The following ZC3H12B variants were observed in gnomAD, a reference collection of about 807,000 sequenced individuals.
ZC3H12B encodes the protein probable ribonuclease ZC3H12B.
In ZC3H12B, 7 loss-of-function variants were observed where a neutral mutation model predicts 43.9. That is an observed-to-expected ratio of 0.16 (90% CI 0.09 to 0.30). The LOEUF is 0.30. Among genes scored for constraint, ZC3H12B ranks in the 10% least tolerant of loss-of-function variants. The pLI is 1.00. For synonymous variants in ZC3H12B, 222 were observed against 241.7 expected, an observed-to-expected ratio of 0.92 and a Z score of 0.76; for missense variants, 475 against 670.2, an observed-to-expected ratio of 0.71 and a Z score of 3.22.
the ZC3H12B span, chrX:65,356,975 A>G: frequency 4.1e-6 from 2 of 483,027 alleles, no homozygotes; most frequent in Non-Finnish European, 7.7e-6. Flanking sequence ...TTGTGATCCA[A>G]CATATTCCTC....
At chrX:65,171,158 C>CTCA in the ZC3H12B span, among the ~76,000 whole-genome samples, 1 of 111,091 alleles carries the variant, frequency 9.0e-6, no homozygotes, top group South Asian at 3.8e-4. Context: ...TTGGTTTCTC[C>CTCA]TCATCTTTGT....
chrX:65,124,296 GACTT>G, the ZC3H12B span, among the ~76,000 whole-genome samples: 1 of 110,814 alleles, frequency 9.0e-6, no homozygotes, highest in African/African-American at 3.3e-5. Context: ...CACATTTATT[GACTT>G]ACATATGTTA....
At chrX:65,217,483 C>G in the ZC3H12B span, among the ~76,000 whole-genome samples, 4 of 111,843 alleles carry the variant, frequency 3.6e-5, no homozygotes, top group Non-Finnish European at 7.5e-5. Context: ...GTGACCAATC[C>G]TGTAGTTATG....
At chrX:65,143,130 A>C in the ZC3H12B span, among the ~76,000 whole-genome samples, 3 of 111,475 alleles carry the variant, frequency 2.7e-5, no homozygotes, top group East Asian at 8.5e-4. Flanking sequence ...CTACCTATCT[A>C]TGAGCATGGG....
chrX:65,375,399 G>T (rs1370399767), intron 2 of ZC3H12B, among the ~76,000 whole-genome samples: 2 of 112,111 alleles, frequency 1.8e-5, no homozygotes, highest in Non-Finnish European at 3.8e-5. Context: ...GAGTCCTAGT[G>T]CTATGCTAAG....
At chrX:65,037,009 A>T in the ZC3H12B span, among the ~76,000 whole-genome samples, 7 of 107,587 alleles carry the variant, frequency 6.5e-5, no homozygotes, top group Non-Finnish European at 5.8e-5. Flanking sequence ...TTTTAAAGTG[A>T]CTTTCAACAA....
the ZC3H12B span, among the ~76,000 whole-genome samples, chrX:65,050,894 T>C: frequency 9.0e-6 from 1 of 111,728 alleles, no homozygotes; most frequent in African/African-American, 3.2e-5. Flanking sequence ...CTTTTCTTCT[T>C]GTGTCTTTGT....
chrX:65,424,532 A>G (rs1378616110), intron 3 of ZC3H12B, among the ~76,000 whole-genome samples: 8 of 111,823 alleles, frequency 7.2e-5, no homozygotes, highest in Non-Finnish European at 1.3e-4. Flanking sequence ...TTGTCATGAA[A>G]TATTTTCCTG....
the ZC3H12B span, among the ~76,000 whole-genome samples, chrX:65,055,555 T>A: frequency 8.9e-6 from 1 of 111,773 alleles, no homozygotes; most frequent in Non-Finnish European, 1.9e-5. Flanking sequence ...CTCTTTGTTT[T>A]GTTTTGTCTC....
the ZC3H12B span, among the ~76,000 whole-genome samples, chrX:65,118,368 G>C: frequency 1.8e-5 from 2 of 111,536 alleles, no homozygotes; most frequent in Non-Finnish European, 3.8e-5. Flanking sequence ...CTGTTTGTCT[G>C]TTATTGGTGT....
chrX:65,294,351 G>A, the ZC3H12B span, among the ~76,000 whole-genome samples: 2 of 111,572 alleles, frequency 1.8e-5, no homozygotes, highest in African/African-American at 3.3e-5. Flanking sequence ...AGTGATAAAA[G>A]GAGCTCTAAA....
At chrX:65,443,835 G>T (rs1446145712) in intron 3 of ZC3H12B, among the ~76,000 whole-genome samples, 4 of 112,411 alleles carry the variant, frequency 3.6e-5, no homozygotes, top group Non-Finnish European at 7.5e-5. Context: ...GACTTTGGGG[G>T]ACTTGCTCCC....
chrX:65,441,685 C>T (rs774858827), intron 3 of ZC3H12B, among the ~76,000 whole-genome samples: 17 of 111,898 alleles, frequency 1.5e-4, no homozygotes, highest in Non-Finnish European at 2.4e-4. Context: ...ACTAGACCTT[C>T]CTAAAAGTAA....
At chrX:65,169,623 T>C in the ZC3H12B span, among the ~76,000 whole-genome samples, 1 of 111,839 alleles carries the variant, frequency 8.9e-6, no homozygotes, top group East Asian at 2.8e-4. Flanking sequence ...TGTCTAATGT[T>C]GACAGTGGGG....
the ZC3H12B span, among the ~76,000 whole-genome samples, chrX:65,300,333 G>A: frequency 2.7e-5 from 3 of 112,027 alleles, no homozygotes; most frequent in Admixed American, 9.4e-5. Context: ...AGGGGGCAGG[G>A]TGGTAGTAAG....
chrX:65,368,666 T>C (rs1347218386), intron 1 of ZC3H12B, among the ~76,000 whole-genome samples, 163 bp from the exon 4 acceptor site: 7 of 112,115 alleles, frequency 6.2e-5, no homozygotes, highest in Non-Finnish European at 9.4e-5. Flanking sequence ...ATTAGCACAA[T>C]TATTGAATAA....
At chrX:65,049,130 C>T in the ZC3H12B span, among the ~76,000 whole-genome samples, 2 of 111,046 alleles carry the variant, frequency 1.8e-5, no homozygotes, top group East Asian at 5.7e-4. Flanking sequence ...TTTCCTTTAA[C>T]TCTGTTGATG....
the ZC3H12B span, among the ~76,000 whole-genome samples, chrX:65,177,744 A>G: frequency 8.9e-6 from 1 of 112,092 alleles, no homozygotes; most frequent in Non-Finnish European, 1.9e-5. Context: ...TTCAAGGAGA[A>G]CTACAAACCA....
the ZC3H12B span, among the ~76,000 whole-genome samples, chrX:65,309,563 AG>A: frequency 8.9e-6 from 1 of 111,904 alleles, no homozygotes; most frequent in Non-Finnish European, 1.9e-5. Context: ...ATTCTACCAG[AG>A]GTACGAAGAG....
Sources: gnomAD v4.1 joint callset for allele counts (sites outside exome capture counted in the v4.1 genomes callset) on GRCh38, gnomAD v4.1.1 for gene constraint, MANE v1.5 for transcripts, NCBI Gene and HGNC (gene_info 2026-07-23, HGNC 2026-07-21) for gene names.